PYROXD1: variants seen among roughly 807,000 people sequenced by gnomAD.
PYROXD1 encodes pyridine nucleotide-disulphide oxidoreductase domain 1.
PYROXD1 carries 42 observed loss-of-function variants against 62.0 expected under a neutral mutation model. The ratio of observed to expected loss-of-function variants is 0.68; its 90% CI spans 0.53 to 0.88. PYROXD1 has a LOEUF of 0.88. Ranked by LOEUF, PYROXD1 falls within the 40% of genes least tolerant of loss-of-function variation. PYROXD1 has a pLI of 0.00. For missense variants in PYROXD1, 493 were observed against 604.8 expected, an observed-to-expected ratio of 0.82 and a Z score of 1.94; for synonymous variants, 170 against 206.4, an observed-to-expected ratio of 0.82 and a Z score of 1.51.
At chr12:21,454,996 T>C in intron 5 of PYROXD1, 136 bp from the exon 6 acceptor site, 1 of 439,098 alleles carries the variant, frequency 2.3e-6, no homozygotes, top group Non-Finnish European at 4.1e-6. Context: ...AATATTCCTC[T>C]TTATAATCAA....
intron 1 of PYROXD1, chr12:21,438,617 G>T (rs866554022): frequency 6.6e-6 from 1 of 152,124 alleles, no homozygotes; most frequent in African/African-American, 2.4e-5. Context: ...ATCAGCGAAG[G>T]ATTAAATGCA....
rs762015500 is a variant in PYROXD1, at chr12:21,455,301, A to G, written c.649+9A>G. ...CAGATATACAACTGAAGGTAAGTGTAGCACCTAGCTCATTAATTCTCATAC... is the reference window on the plus strand; with the variant it reads ...CAGATATACAACTGAAGGTAAGTGTGGCACCTAGCTCATTAATTCTCATAC... On this transcript the variant is annotated intron_variant, in intron 6 of 11. Coordinates refer to ENST00000240651, the MANE Select transcript of PYROXD1 (RefSeq NM_024854.5). The G allele has an allele frequency of 1.4e-6, 2 of 1,453,150 alleles. No homozygotes were observed. Among genetic ancestry groups the G allele is most frequent in the Non-Finnish European group, 1.8e-6 (2 of 1,094,852 alleles). 90.0% of individuals were successfully genotyped at this position (1,453,150 alleles called of 1,614,324 possible).
At chr12:21,461,875 G>T in intron 8 of PYROXD1, 133 bp from the exon 9 acceptor site, 1 of 496,024 alleles carries the variant, frequency 2.0e-6, no homozygotes. Context: ...TAATTGCTAA[G>T]GAGTGTGTTA....
intron 2 of PYROXD1, among the ~76,000 whole-genome samples, chr12:21,444,943 AT>A (rs1942358831): frequency 1.3e-5 from 2 of 152,262 alleles, no homozygotes; most frequent in African/African-American, 2.4e-5. Context: ...TGAGTCTAGA[AT>A]ACTGATGGTT....
chr12:21,437,770 G>T lies in PYROXD1; in HGVS notation c.40G>T (p.Val14Leu), dbSNP rs2137232249. Residue 14 changes from valine (V) to leucine (L), a missense_variant, in exon 1 of 12, where the codon GTG (valine) becomes TTG (leucine). This residue lies in a region of PYROXD1 where 164 missense variants were observed against 158.2 expected (regional missense o/e 1.04). Transcript: ENST00000240651. ...ARPPPTAGKFVVVGGGIAGVT... is the reference protein window; with the variant it reads ...ARPPPTAGKFLVVGGGIAGVT... ...CCCTCCCCCGACGGCAGGGAAGTTCGTGGTGGTCGGCGGCGGCATCGCGGG... is the reference window on the plus strand; with the variant it reads ...CCCTCCCCCGACGGCAGGGAAGTTCTTGGTGGTCGGCGGCGGCATCGCGGG... 2 of 1,613,280 alleles carry T rather than the reference G, an allele frequency of 1.2e-6. No homozygotes were observed. Among genetic ancestry groups the T allele is most frequent in the Non-Finnish European group, 1.7e-6 (2 of 1,179,804 alleles).
chr12:21,450,109 C>T (rs1156256909), intron 4 of PYROXD1, among the ~76,000 whole-genome samples: 1 of 150,522 alleles, frequency 6.6e-6, no homozygotes, highest in African/African-American at 2.5e-5. Flanking sequence ...GACCTCGTGA[C>T]CGCCCACCTA....
At chr12:21,455,468 AT>A (rs1942579486) in intron 6 of PYROXD1, among the ~76,000 whole-genome samples, 176 bp downstream of exon 6, 2 of 149,622 alleles carry the variant, frequency 1.3e-5, no homozygotes, top group East Asian at 3.9e-4. Flanking sequence ...TATTTTATAT[AT>A]ATATATATAA....
chr12:21,455,906 A>G, intron 6 of PYROXD1, 89 bp from the exon 7 acceptor site: 1 of 737,010 alleles, frequency 1.4e-6, no homozygotes, highest in South Asian at 1.6e-5. Context: ...ATATATATGA[A>G]TCATTACATT....
intron 2 of PYROXD1, among the ~76,000 whole-genome samples, chr12:21,441,920 A>C (rs12423381): frequency 6.6e-6 from 1 of 152,016 alleles, no homozygotes; most frequent in African/African-American, 2.4e-5. Flanking sequence ...GCTAGATGGG[A>C]TGTAGCAGTT....
chr12:21,437,790 C>G lies in PYROXD1; in HGVS notation c.60C>G (p.Ile20Met), dbSNP rs368417341. 5 of 1,612,736 alleles carry G rather than the reference C, an allele frequency of 3.1e-6. No homozygotes were observed. The highest frequency in any genetic ancestry group is 1.3e-5 in the African/African-American group (1 of 74,944). The change falls in exon 1 of 12, where the codon ATC (isoleucine) becomes ATG (methionine). Residue 20 changes from isoleucine to methionine, a missense_variant. Ile to Met is a conservative substitution (Grantham distance 10). Transcript: ENST00000240651. ...AGKFVVVGGG[I>M]AGVTCAEQLA... Reference sequence around the variant, plus strand: ...AGTTCGTGGTGGTCGGCGGCGGCATCGCGGGCGTCACTTGTGCGGAGCAGG... The same window carrying G: ...AGTTCGTGGTGGTCGGCGGCGGCATGGCGGGCGTCACTTGTGCGGAGCAGG...
chr12:21,438,495 C>G (rs910517538), intron 1 of PYROXD1: 5 of 152,130 alleles, frequency 3.3e-5, no homozygotes, highest in African/African-American at 1.2e-4. Flanking sequence ...AGATAGTTGC[C>G]AAGTCTTTAG....
At chr12:21,449,948 C>T (rs995635980) in intron 4 of PYROXD1, among the ~76,000 whole-genome samples, 10 of 151,572 alleles carry the variant, frequency 6.6e-5, no homozygotes, top group Non-Finnish European at 1.3e-4. Context: ...AGCTCCGCCT[C>T]CCAGTTTCAC....
chr12:21,449,978 C>T (rs951507808), intron 4 of PYROXD1, among the ~76,000 whole-genome samples: 2 of 151,756 alleles, frequency 1.3e-5, no homozygotes, highest in Admixed American at 1.3e-4. Flanking sequence ...CTGCCTCAGC[C>T]TCCCGAGAAG....
At chr12:21,458,540 C>T (rs1591951664) in intron 7 of PYROXD1, among the ~76,000 whole-genome samples, 1 of 152,312 alleles carries the variant, frequency 6.6e-6, no homozygotes, top group Non-Finnish European at 1.5e-5. Context: ...TTCCATGTGC[C>T]TTCCTCAATA....
intron 10 of PYROXD1, among the ~76,000 whole-genome samples, chr12:21,463,901 C>A (rs1002629053): frequency 6.6e-6 from 1 of 152,098 alleles, no homozygotes; most frequent in African/African-American, 2.4e-5. Flanking sequence ...AACCAGGCAA[C>A]ATTTATCTTT....
chr12:21,438,456 A>G (rs1942235475), intron 1 of PYROXD1: 1 of 152,198 alleles, frequency 6.6e-6, no homozygotes, highest in African/African-American at 2.4e-5. Flanking sequence ...CCCTTTGTTA[A>G]TTATCGTAGG....
At chr12:21,440,737 G>T (rs1313202398) in intron 2 of PYROXD1, among the ~76,000 whole-genome samples, 1 of 152,132 alleles carries the variant, frequency 6.6e-6, no homozygotes, top group Non-Finnish European at 1.5e-5. Flanking sequence ...GGGCATCCTT[G>T]TGTTGTTCTT....
rs1426101705 is a variant in PYROXD1 at position 21,452,140 on chromosome 12, T to G, written c.474T>G (p.Ile158Met). The G allele has an allele frequency of 6.4e-7, 1 of 1,573,110 alleles. No individual in the cohort carries two copies. The highest frequency in any genetic ancestry group is 2.3e-5 in the East Asian group (1 of 43,704). ...KRIMIIGNGG[I>M]ALELVYEIEG... ...TAATGATCATAGGGAACGGTGGTAT[T>G]GCACTTGAGTTAGTGTAAGTATATA... The change falls in exon 5 of 12, where the codon ATT becomes ATG. Residue 158 changes from isoleucine (I) to methionine (M), a missense_variant. Around this residue, in one of 2 missense-constraint regions of PYROXD1, gnomAD observed 329 missense variants for 446.6 expected, o/e 0.74. Transcript: ENST00000240651.
Position 21,440,403 on chromosome 12 carries a change from G to A in PYROXD1, c.120G>A (p.Leu40=). Residue 40 remains leucine, a synonymous_variant, in exon 2 of 12, where the codon TTG becomes TTA. Coordinates refer to ENST00000240651, the MANE Select transcript of PYROXD1 (RefSeq NM_024854.5). ...ACTTTCCATCGGAAGATATTCTCTT[G>A]GTAACAGCTTCTCCTGTTATTAAAG... ...ATHFPSEDIL[L]VTASPVIKAV... The A allele has an allele frequency of 6.3e-7, 1 of 1,596,878 alleles. No homozygotes were observed. The highest frequency in any genetic ancestry group is 1.1e-5 in the South Asian group (1 of 87,558).
Sources: gnomAD v4.1 joint callset for allele counts (sites outside exome capture counted in the v4.1 genomes callset) on GRCh38, gnomAD v4.1.1 for gene constraint, gnomAD v4.1.1 regional missense constraint, MANE v1.5 for transcripts, NCBI Gene and HGNC (gene_info 2026-07-23, HGNC 2026-07-21) for gene names.